The following MLLT1 variants were observed in gnomAD, a reference collection of about 807,000 sequenced individuals.
MLLT1 encodes the protein protein ENL.
MLLT1 carries 11 observed loss-of-function variants against 55.1 expected under a neutral mutation model. The ratio of observed to expected loss-of-function variants is 0.20; its 90% CI spans 0.13 to 0.33. The LOEUF is 0.33. MLLT1 is among the 10% of genes least tolerant of loss of function. MLLT1 has a pLI of 1.00. For synonymous variants in MLLT1, 323 were observed against 320.1 expected (o/e 1.01, Z -0.10); for missense variants, 536 against 760.6 (o/e 0.70, Z 3.47).
chr19:6,215,313 C>T (rs967025521), intron 8 of MLLT1, among the ~76,000 whole-genome samples: 2 of 152,366 alleles, frequency 1.3e-5, no homozygotes, highest in East Asian at 1.9e-4. Context: ...AGCCTCTCTG[C>T]GCTCACGGCT....
chr19:6,242,125 C>T (rs1296215082), intron 3 of MLLT1, among the ~76,000 whole-genome samples: 2 of 152,318 alleles, frequency 1.3e-5, no homozygotes, highest in African/African-American at 4.8e-5. Flanking sequence ...GCCTCCCTGC[C>T]TCAAGACCTG....
At chr19:6,246,063 A>G (rs2091165020) in intron 3 of MLLT1, among the ~76,000 whole-genome samples, 1 of 151,988 alleles carries the variant, frequency 6.6e-6, no homozygotes, top group African/African-American at 2.4e-5. Flanking sequence ...GGGCAATAAG[A>G]GCAAAACTCC....
At chr19:6,250,265 TAAC>T (rs1280851520) in intron 3 of MLLT1, among the ~76,000 whole-genome samples, 1 of 152,140 alleles carries the variant, frequency 6.6e-6, no homozygotes, top group African/African-American at 2.4e-5. Flanking sequence ...AAACAGGAGA[TAAC>T]AAATGTTGCT....
rs1169026667 is a variant in MLLT1, at chr19:6,211,913, C to T, written c.*1129G>A. 10 of 1,064,716 alleles carry T rather than the reference C, an allele frequency of 9.4e-6. No individual in the cohort carries two copies. Among genetic ancestry groups the T allele is most frequent in the Non-Finnish European group, 1.0e-5 (9 of 878,890 alleles). 66.0% of individuals were successfully genotyped at this position (1,064,716 alleles called of 1,614,324 possible). ...CGGTGGAGGCCGGGGCGGGCCAGGC[C>T]GCGACCAGAGAGAAAGGCAGCCTGG... On this transcript the variant is annotated 3_prime_UTR_variant, in exon 12 of 12. Transcript: ENST00000252674. The surrounding 1 kb of genome is among the most constrained non-coding windows in gnomAD (Gnocchi z 4.6).
At chr19:6,221,409 T>C (rs991226342) in intron 6 of MLLT1, among the ~76,000 whole-genome samples, 2 of 152,244 alleles carry the variant, frequency 1.3e-5, no homozygotes, top group Non-Finnish European at 2.9e-5. Context: ...GCTCAAGTCA[T>C]GTCTGATGCA....
At chr19:6,237,221 G>T (rs182643654) in intron 3 of MLLT1, among the ~76,000 whole-genome samples, 1 of 152,204 alleles carries the variant, frequency 6.6e-6, no homozygotes, top group South Asian at 2.1e-4. Context: ...TGCGTGGAGC[G>T]CCTGCTGCTG....
Position 6,262,179 on chromosome 19 carries a change from A to C in MLLT1, c.276+49T>G. On this transcript the variant is annotated intron_variant, in intron 3 of 11. Coordinates refer to ENST00000252674, the MANE Select transcript of MLLT1 (RefSeq NM_005934.4). This position sits in a 1 kb window ranked among gnomAD's most constrained non-coding sequence, Gnocchi z 4.4. ...TGTGAACTGCCGTGGCACCCGGAGC[A>C]GGGGTCCCCACAGAGAGGCATCCTG... The C allele has an allele frequency of 6.8e-7, 1 of 1,476,138 alleles. No homozygotes were observed. Among genetic ancestry groups the C allele is most frequent in the Non-Finnish European group, 9.5e-7 (1 of 1,055,400 alleles). The allele number at this position is 1,476,138 out of a possible 1,614,324, so 91.4% of individuals were successfully genotyped here.
intron 5 of MLLT1, among the ~76,000 whole-genome samples, chr19:6,223,055 G>A (rs1048849229): frequency 5.3e-5 from 8 of 152,268 alleles, no homozygotes; most frequent in African/African-American, 1.7e-4. Flanking sequence ...CAGAGGCTGC[G>A]CTGGCACTGC....
chr19:6,250,716 C>T (rs1315862741), intron 3 of MLLT1, among the ~76,000 whole-genome samples: 3 of 152,004 alleles, frequency 2.0e-5, no homozygotes, highest in South Asian at 2.1e-4. Flanking sequence ...TTCATGGATA[C>T]GGAGCCCATG....
chr19:6,275,293 G>A (rs1016167354), intron 1 of MLLT1, among the ~76,000 whole-genome samples: 1 of 152,184 alleles, frequency 6.6e-6, no homozygotes, highest in Non-Finnish European at 1.5e-5. Context: ...CCCATCCCAG[G>A]AGAGGAGAAC....
chr19:6,216,068 C>T (rs2090840395), intron 8 of MLLT1, among the ~76,000 whole-genome samples: 1 of 152,130 alleles, frequency 6.6e-6, no homozygotes, highest in Admixed American at 6.5e-5. Context: ...AACAGGCCTG[C>T]TCCCCTCCCC....
rs889127844 is a variant in MLLT1, at chr19:6,226,094, G to A, written c.546+883C>T. Among the ~76,000 whole-genome samples, 1 of 152,240 alleles carries A rather than the reference G, an allele frequency of 6.6e-6. No individual in the cohort carries two copies. Among genetic ancestry groups the A allele is most frequent in the Non-Finnish European group, 1.5e-5 (1 of 68,044 alleles). ...GTTCTTCTCCCGCATGGCTGACGGT[G>A]AGTCTGTGAGGCAGCTGGAGAGCCC... On this transcript the variant is annotated intron_variant, in intron 5 of 11. Coordinates refer to ENST00000252674, the MANE Select transcript of MLLT1 (RefSeq NM_005934.4). This position sits in a 1 kb window ranked among gnomAD's most constrained non-coding sequence, Gnocchi z 6.3.
Position 6,273,673 on chromosome 19 carries a change from G to A in MLLT1, c.13-2914C>T, listed in dbSNP as rs76863175. Among the ~76,000 whole-genome samples the A allele has an allele frequency of 4.0e-3, 612 of 152,244 alleles. 2 individuals carry two copies. The highest frequency in any genetic ancestry group is 0.014 in the African/African-American group (592 of 41,532). ...AAAACAGGAAGGCAACCCCTGTCCC[G>A]CTGGGAGCATTACAGGTGAAAACTA... On this transcript the variant is annotated intron_variant, in intron 1 of 11. Transcript: ENST00000252674. This position sits in a 1 kb window ranked among gnomAD's most constrained non-coding sequence, Gnocchi z 4.3.
chr19:6,247,611 A>C, intron 3 of MLLT1, among the ~76,000 whole-genome samples: 1 of 152,228 alleles, frequency 6.6e-6, no homozygotes, highest in East Asian at 1.9e-4. Context: ...GAAAGGAAGG[A>C]GGAAATTAAA....
intron 3 of MLLT1, among the ~76,000 whole-genome samples, chr19:6,248,810 G>C (rs913944823): frequency 3.3e-5 from 5 of 152,154 alleles, no homozygotes; most frequent in Admixed American, 6.5e-5. Context: ...TTTGATCACT[G>C]GACCATGGTT....
chr19:6,221,437 G>A (rs969146821), intron 6 of MLLT1, among the ~76,000 whole-genome samples: 1 of 152,208 alleles, frequency 6.6e-6, no homozygotes. Context: ...GAGAATGTCC[G>A]GACGCTGTGC....
At chr19:6,252,596 G>A (rs1164297052) in intron 3 of MLLT1, among the ~76,000 whole-genome samples, 1 of 152,144 alleles carries the variant, frequency 6.6e-6, no homozygotes, top group Admixed American at 6.5e-5. Context: ...TGCTCAGAGC[G>A]AAATGTACAG....
intron 10 of MLLT1, 150 bp downstream of exon 10, chr19:6,213,576 A>C (rs997241228): frequency 2.6e-5 from 25 of 977,382 alleles, no homozygotes; most frequent in Non-Finnish European, 3.8e-5. Context: ...CTCCAAGGCC[A>C]CACCGGGAGG....
At chr19:6,274,269 C>T (rs899655250) in intron 1 of MLLT1, among the ~76,000 whole-genome samples, 1 of 152,230 alleles carries the variant, frequency 6.6e-6, no homozygotes, top group Non-Finnish European at 1.5e-5. Flanking sequence ...GACGCTCAAG[C>T]CACGTCAACG....
Sources: gnomAD v4.1 joint callset for allele counts (sites outside exome capture counted in the v4.1 genomes callset) on GRCh38, gnomAD v4.1.1 for gene constraint, Gnocchi (gnomAD v3.1) non-coding constraint, MANE v1.5 for transcripts, NCBI Gene and HGNC (gene_info 2026-07-23, HGNC 2026-07-21) for gene names.